The following MCU variants were observed in gnomAD, a reference collection of about 807,000 sequenced individuals.
MCU encodes the protein mitochondrial calcium uniporter.
A neutral mutation model predicts 45.2 loss-of-function variants in MCU; 12 were observed. That is an observed-to-expected ratio of 0.27 (90% CI 0.17 to 0.43). The LOEUF (loss-of-function observed/expected upper bound fraction) is 0.43. Among genes scored for constraint, MCU ranks in the 20% least tolerant of loss-of-function variants. MCU has a pLI of 1.00. For missense variants in MCU, 324 were observed against 436.7 expected, an observed-to-expected ratio of 0.74 and a Z score of 2.30; for synonymous variants, 160 against 165.1, an observed-to-expected ratio of 0.97 and a Z score of 0.24.
At chr10:72,885,227 C>G (rs983999623) in intron 7 of MCU, among the ~76,000 whole-genome samples, 3 of 152,192 alleles carry the variant, frequency 2.0e-5, no homozygotes, top group Admixed American at 2.0e-4. Context: ...CAGTCTCACC[C>G]TAGGCTTGCT....
intron 4 of MCU, among the ~76,000 whole-genome samples, chr10:72,863,119 C>G (rs1408252953): frequency 1.3e-5 from 2 of 152,174 alleles, no homozygotes; most frequent in East Asian, 3.9e-4. Flanking sequence ...CACTGTTTGC[C>G]CACTTTCCTC....
intron 1 of MCU, among the ~76,000 whole-genome samples, chr10:72,759,240 G>T (rs1278244991): frequency 6.6e-6 from 1 of 152,142 alleles, no homozygotes; most frequent in African/African-American, 2.4e-5. Context: ...CAACTCTAAG[G>T]GGGTGCGTGT....
intron 1 of MCU, among the ~76,000 whole-genome samples, chr10:72,819,086 T>C (rs1844670507): frequency 6.6e-6 from 1 of 152,122 alleles, no homozygotes; most frequent in Admixed American, 6.6e-5. Flanking sequence ...ACATTTGAAA[T>C]TTTCAAGGGA....
chr10:72,770,880 T>C (rs1380761541), intron 1 of MCU, among the ~76,000 whole-genome samples: 1 of 152,200 alleles, frequency 6.6e-6, no homozygotes, highest in Non-Finnish European at 1.5e-5. Flanking sequence ...ATAACTATAA[T>C]TGCCTTTACT....
intron 1 of MCU, among the ~76,000 whole-genome samples, chr10:72,737,594 A>G (rs1212539189): frequency 6.8e-6 from 1 of 146,828 alleles, no homozygotes; most frequent in Non-Finnish European, 1.5e-5. Flanking sequence ...ATCTCAGCTC[A>G]CTGCAACTTC....
chr10:72,876,924 T>G (rs1391397905), intron 6 of MCU, among the ~76,000 whole-genome samples: 4 of 149,764 alleles, frequency 2.7e-5, no homozygotes, highest in Admixed American at 6.6e-5. Flanking sequence ...AATCACAGTT[T>G]TTTTTTTTTT....
At chr10:72,788,864 G>A (rs755554088) in intron 1 of MCU, among the ~76,000 whole-genome samples, 29 of 152,202 alleles carry the variant, frequency 1.9e-4, no homozygotes, top group Non-Finnish European at 3.5e-4. Context: ...AAAAGGTACT[G>A]CAGTGAACCA....
chr10:72,728,086 A>G (rs184316894), intron 1 of MCU, among the ~76,000 whole-genome samples: 6 of 152,288 alleles, frequency 3.9e-5, no homozygotes, highest in Admixed American at 3.3e-4. Context: ...TGTGCTGAGT[A>G]TGAGATGCCA....
At chr10:72,792,873 GCC>G (rs1216350451) in intron 1 of MCU, among the ~76,000 whole-genome samples, 3 of 151,784 alleles carry the variant, frequency 2.0e-5, no homozygotes, top group Admixed American at 1.3e-4. Context: ...TGATTACACT[GCC>G]TTTCTTTTTT....
At chr10:72,813,407 A>G (rs961533014) in intron 1 of MCU, among the ~76,000 whole-genome samples, 2 of 151,524 alleles carry the variant, frequency 1.3e-5, no homozygotes, top group African/African-American at 2.4e-5. Flanking sequence ...AAAACTTGGG[A>G]AAGAAGTGTA....
intron 6 of MCU, among the ~76,000 whole-genome samples, chr10:72,882,803 T>C (rs1405563935): frequency 1.3e-5 from 2 of 152,192 alleles, no homozygotes; most frequent in Non-Finnish European, 2.9e-5. Flanking sequence ...ACCCTATTCG[T>C]ACACTCCCTC....
chr10:72,876,947 G>T (rs1273250819), intron 6 of MCU, among the ~76,000 whole-genome samples: 1 of 146,578 alleles, frequency 6.8e-6, no homozygotes, highest in Admixed American at 6.8e-5. Context: ...TTTGAGACAG[G>T]GTTTTACTCT....
At chr10:72,703,334 T>G (rs1842781255) in intron 1 of MCU, among the ~76,000 whole-genome samples, 1 of 152,126 alleles carries the variant, frequency 6.6e-6, no homozygotes, top group Admixed American at 6.6e-5. Context: ...TTGCCCAGAG[T>G]CACAGCTGTT....
Position 72,886,140 on chromosome 10 carries a change from C to A in MCU, c.*318C>A. On this transcript the variant is annotated 3_prime_UTR_variant, in exon 8 of 8. Coordinates refer to ENST00000373053, the MANE Select transcript of MCU (RefSeq NM_138357.3). Reference sequence around the variant, plus strand: ...TGGGGGTGTTCGTTTCTTGCATCTTCTTTGCAGAGTCAGCAAAAGAGTAAC... The same window carrying A: ...TGGGGGTGTTCGTTTCTTGCATCTTATTTGCAGAGTCAGCAAAAGAGTAAC... 1 of 209,822 alleles carries A rather than the reference C, an allele frequency of 4.8e-6. No homozygotes were observed. 13.0% of individuals were successfully genotyped at this position (209,822 alleles called of 1,614,324 possible).
chr10:72,868,493 A>G (rs983164537), intron 4 of MCU, among the ~76,000 whole-genome samples: 5 of 151,792 alleles, frequency 3.3e-5, no homozygotes, highest in African/African-American at 4.8e-5. Context: ...TAGGGGCTGC[A>G]GTGAGCCAAG....
intron 1 of MCU, among the ~76,000 whole-genome samples, chr10:72,833,973 G>A (rs1252217143): frequency 1.3e-5 from 2 of 152,196 alleles, no homozygotes; most frequent in African/African-American, 2.4e-5. Context: ...AGGAGACGCA[G>A]ATCTGAAAGG....
intron 1 of MCU, among the ~76,000 whole-genome samples, chr10:72,712,781 A>G (rs1842911437): frequency 6.6e-6 from 1 of 152,158 alleles, no homozygotes; most frequent in African/African-American, 2.4e-5. Context: ...TAAAAAGACA[A>G]TCTCTGATAA....
intron 2 of MCU, among the ~76,000 whole-genome samples, chr10:72,846,149 TCTC>T (rs768768796): frequency 2.0e-5 from 3 of 151,966 alleles, no homozygotes; most frequent in Non-Finnish European, 4.4e-5. Flanking sequence ...TTCAAGCACT[TCTC>T]CTGCCTCAGT....
chr10:72,760,712 C>CTTTTTTTT (rs1381226351), intron 1 of MCU: 4 of 116,814 alleles, frequency 3.4e-5, no homozygotes, highest in Non-Finnish European at 5.5e-5. Flanking sequence ...TTTTTTTTTT[C>CTTTTTTTT]TTTCTTTTTT....
Sources: allele counts gnomAD v4.1 joint callset (sites outside exome capture counted in the v4.1 genomes callset), GRCh38; gene constraint gnomAD v4.1.1; transcripts MANE v1.5; gene names NCBI Gene and HGNC (gene_info 2026-07-23, HGNC 2026-07-21).